NEK11: variants seen among roughly 807,000 people sequenced by gnomAD.
NEK11 encodes NIMA related kinase 11, also known as serine/threonine-protein kinase Nek11.
Under a neutral mutation model 80.7 loss-of-function variants are expected in NEK11, and 72 were observed. The ratio of observed to expected loss-of-function variants is 0.89; its 90% CI spans 0.74 to 1.08. The LOEUF (loss-of-function observed/expected upper bound fraction) is 1.08, where lower values mean the gene tolerates loss of function less well. Among genes scored for constraint, NEK11 ranks in the 50% least tolerant of loss-of-function variants. The pLI, the probability that NEK11 is intolerant of heterozygous loss-of-function variation, is 0.00. For missense variants in NEK11, 764 were observed against 763.6 expected (o/e 1.00, Z -0.01); for synonymous variants, 251 against 260.7 (o/e 0.96, Z 0.36).
intron 7 of NEK11, among the ~76,000 whole-genome samples, chr3:131,140,666 T>C (rs376845649): frequency 3.3e-5 from 5 of 152,256 alleles, no homozygotes; most frequent in African/African-American, 1.2e-4. Flanking sequence ...GCAGTGTTTG[T>C]TTTCTTTATG....
At chr3:131,287,275 G>A (rs1351619644) in intron 17 of NEK11, among the ~76,000 whole-genome samples, 2 of 152,028 alleles carry the variant, frequency 1.3e-5, no homozygotes. Context: ...ATGTTTCTTT[G>A]TTTGTTTGTT....
At chr3:131,342,184 G>A (rs2097297018) in intron 17 of NEK11, among the ~76,000 whole-genome samples, 1 of 152,162 alleles carries the variant, frequency 6.6e-6, no homozygotes, top group African/African-American at 2.4e-5. Flanking sequence ...GCCTGCTTCT[G>A]GAGAGAGAGC....
chr3:131,214,535 C>T (rs183176483), intron 14 of NEK11, among the ~76,000 whole-genome samples: 16 of 152,258 alleles, frequency 1.1e-4, no homozygotes, highest in Admixed American at 1.0e-3. Flanking sequence ...TTCGCTTTTA[C>T]TCTCTAAAGC....
chr3:131,327,937 C>G (rs1354849000), intron 17 of NEK11, among the ~76,000 whole-genome samples: 1 of 151,516 alleles, frequency 6.6e-6, no homozygotes, highest in East Asian at 1.9e-4. Flanking sequence ...TCTGTGAGGT[C>G]AGAGGCTTGT....
intron 15 of NEK11, among the ~76,000 whole-genome samples, chr3:131,236,338 G>A (rs2095430076): frequency 6.6e-6 from 1 of 152,122 alleles, no homozygotes; most frequent in African/African-American, 2.4e-5. Flanking sequence ...CCTGTTTTGG[G>A]TAGGTGTTAC....
intron 16 of NEK11, among the ~76,000 whole-genome samples, chr3:131,266,363 C>T (rs1017636686): frequency 6.6e-6 from 1 of 152,202 alleles, no homozygotes; most frequent in Non-Finnish European, 1.5e-5. Flanking sequence ...AAATTTCCCT[C>T]TAAACACTGC....
intron 17 of NEK11, among the ~76,000 whole-genome samples, chr3:131,324,202 G>GTATT (rs2096930938): frequency 6.6e-6 from 1 of 152,220 alleles, no homozygotes; most frequent in Non-Finnish European, 1.5e-5. Flanking sequence ...ATTTGGTTAG[G>GTATT]TATTAAGGGT....
At chr3:131,263,625 T>G (rs2095979717) in intron 16 of NEK11, among the ~76,000 whole-genome samples, 1 of 152,174 alleles carries the variant, frequency 6.6e-6, no homozygotes, top group South Asian at 2.1e-4. Flanking sequence ...TGATGGACAT[T>G]TGGGTTGGTT....
chr3:131,168,802 T>C (rs1399507363), intron 12 of NEK11, 28 bp from the exon 13 acceptor site: 1 of 1,564,530 alleles, frequency 6.4e-7, no homozygotes, highest in Non-Finnish European at 8.8e-7. Context: ...AAACCACTGC[T>C]GAACAGACTT....
chr3:131,229,182 C>T (rs1303491541), intron 15 of NEK11, among the ~76,000 whole-genome samples: 2 of 152,058 alleles, frequency 1.3e-5, no homozygotes, highest in Non-Finnish European at 2.9e-5. Flanking sequence ...TACTTTTAGC[C>T]TCTGAGGACA....
chr3:131,301,141 T>G (rs1250946556), intron 17 of NEK11, among the ~76,000 whole-genome samples: 1 of 152,192 alleles, frequency 6.6e-6, no homozygotes, highest in Non-Finnish European at 1.5e-5. Context: ...TCCGTGGCTA[T>G]TGTGAAAGAG....
intron 13 of NEK11, 26 bp from the exon 14 acceptor site, chr3:131,170,747 A>G: frequency 7.1e-7 from 1 of 1,405,406 alleles, no homozygotes. Flanking sequence ...TCAGCATCTC[A>G]TGAATTGTTA....
intron 17 of NEK11, 70 bp downstream of exon 17, chr3:131,273,644 G>T (rs888305541): frequency 5.3e-6 from 6 of 1,139,756 alleles, no homozygotes; most frequent in Non-Finnish European, 7.9e-6. Flanking sequence ...GTGTGACCCA[G>T]TCATGTGATA....
At chr3:131,314,603 A>G (rs2096817443) in intron 17 of NEK11, among the ~76,000 whole-genome samples, 1 of 152,322 alleles carries the variant, frequency 6.6e-6, no homozygotes, top group African/African-American at 2.4e-5. Flanking sequence ...CAACATCACA[A>G]GGTGGCATAC....
intron 14 of NEK11, among the ~76,000 whole-genome samples, chr3:131,181,929 G>C (rs2093379077): frequency 6.6e-6 from 1 of 151,320 alleles, no homozygotes. Context: ...GATTGAAATA[G>C]CTTGCTTTGG....
In NEK11 at chr3:131,349,694, T is replaced by G; in HGVS notation, c.1856T>G (p.Phe619Cys). 6.2e-7 allele frequency: 1 copy of G among 1,614,088 alleles called. No homozygotes were observed. The highest frequency in any genetic ancestry group is 8.5e-7 in the Non-Finnish European group (1 of 1,179,930). Reference sequence around the variant, plus strand: ...GTGGTGCCTCAAGCCAGCGACTGTTTTGAAGTGGACCAGCTCCTGTACTTT... The same window carrying G: ...GTGGTGCCTCAAGCCAGCGACTGTTGTGAAGTGGACCAGCTCCTGTACTTT... Reference protein sequence around the residue: ...EKVVPQASDCFEVDQLLYFEE... With the variant: ...EKVVPQASDCCEVDQLLYFEE... The change falls in exon 18 of 18, where the codon TTT becomes TGT. Residue 619 changes from phenylalanine (F) to cysteine (C), a missense_variant. Phe to Cys is a radical substitution (Grantham distance 205). Transcript: ENST00000383366.
intron 17 of NEK11, among the ~76,000 whole-genome samples, chr3:131,317,463 T>G (rs1240494423): frequency 6.6e-6 from 1 of 152,092 alleles, no homozygotes; most frequent in Admixed American, 6.6e-5. Flanking sequence ...GGAGGCATCC[T>G]TGGCTGTAAA....
At chr3:131,202,678 T>A (rs997080645) in intron 14 of NEK11, among the ~76,000 whole-genome samples, 1 of 152,120 alleles carries the variant, frequency 6.6e-6, no homozygotes. Flanking sequence ...AATCTACCCA[T>A]CTGACAAAGG....
intron 7 of NEK11, among the ~76,000 whole-genome samples, chr3:131,147,227 G>C (rs1348204756): frequency 6.6e-6 from 1 of 151,968 alleles, no homozygotes; most frequent in Admixed American, 6.6e-5. Flanking sequence ...TAATTGATCT[G>C]TGTGTGTATG....
Sources: allele counts gnomAD v4.1 joint callset (sites outside exome capture counted in the v4.1 genomes callset), GRCh38; gene constraint gnomAD v4.1.1; transcripts MANE v1.5; gene names NCBI Gene and HGNC (gene_info 2026-07-23, HGNC 2026-07-21).